Variants in B3GNT4 observed in about 807,000 individuals in gnomAD.
B3GNT4 encodes UDP-GlcNAc:betaGal beta-1,3-N-acetylglucosaminyltransferase 4.
B3GNT4 carries 2 observed loss-of-function variants against 2.7 expected under a neutral mutation model. That is an observed-to-expected ratio of 0.73 (90% confidence interval 0.30 to 2.31). The LOEUF (loss-of-function observed/expected upper bound fraction) is 2.31, where lower values mean the gene tolerates loss of function less well. Ranked by LOEUF, B3GNT4 falls within the 30% of genes most tolerant of loss-of-function variation. The probability of loss-of-function intolerance (pLI) is 0.12; values close to 1 mark genes in which losing one functional copy is unlikely to be tolerated. For missense variants in B3GNT4, 708 were observed against 490.9 expected, an observed-to-expected ratio of 1.44 and a Z score of -4.18; for synonymous variants, 280 against 203.4, an observed-to-expected ratio of 1.38 and a Z score of -3.20.
At chr12:122,206,069 G>GT (rs1192842004) in intron 2 of B3GNT4, 2 of 448,764 alleles carry the variant, frequency 4.5e-6, no homozygotes, top group African/African-American at 2.0e-5. Flanking sequence ...GTGGCTGCAA[G>GT]TCCTTTTGGG....
At position 122,207,177 on chromosome 12, in the gene B3GNT4, G is replaced by C; in HGVS notation, c.926G>C (p.Gly309Ala). The change falls in exon 3 of 3, where the codon GGT becomes GCT. Residue 309 changes from glycine (G) to alanine (A), a missense_variant. Physicochemically the swap from Gly to Ala is moderately conservative, Grantham distance 60. Transcript: ENST00000324189. ...TTCCCCATTGATGATGTCTTTGTGG[G>C]TATGTGCCTGAGGCGGCTGGGGCTG... is the stretch of plus-strand genomic sequence containing the variant. ...ELFPIDDVFV[G>A]MCLRRLGLSP... 6.2e-7 allele frequency: 1 copy of C among 1,614,050 alleles called. No individual in the cohort carries two copies. Among genetic ancestry groups the C allele is most frequent in the Non-Finnish European group, 8.5e-7 (1 of 1,180,012 alleles).
chr12:122,206,539 CT>C lies in B3GNT4; in HGVS notation c.290del (p.Leu97Ter). On this transcript the variant is annotated frameshift_variant, in exon 3 of 3. Transcript: ENST00000324189. LOFTEE classifies it low-confidence loss of function (END_TRUNC). ...CCCTGCCTAGCCGTCACCGTCTCTTCTTGACCTATCGTCACTGCCGAAATTT... is the reference window on the plus strand; with the variant it reads ...CCCTGCCTAGCCGTCACCGTCTCTTCTGACCTATCGTCACTGCCGAAATTT... ...LSLPSRHRLF[L>X]TYRHCRNFSI... 11 of 1,614,244 alleles carry C rather than the reference CT, an allele frequency of 6.8e-6. No individual in the cohort carries two copies. Among genetic ancestry groups the C allele is most frequent in the Non-Finnish European group, 9.3e-6 (11 of 1,180,046 alleles).
chr12:122,204,592 C>CACGGAG lies in B3GNT4; in HGVS notation c.-24_-19dup, dbSNP rs764535548. The CACGGAG allele has an allele frequency of 2.7e-5, 43 of 1,591,436 alleles. No individual in the cohort carries two copies. In the East Asian group the frequency reaches 9.6e-4, roughly 36 times the overall value. ...CGCCGCCGCCGCCCGGCATCCTGAG[C>CACGGAG]ACGGAGACAGTCTCCAGCTGCCGTT... is the stretch of plus-strand genomic sequence containing the variant. On this transcript the variant is annotated 5_prime_UTR_variant, in exon 2 of 3. Coordinates refer to ENST00000324189, the MANE Select transcript of B3GNT4 (RefSeq NM_030765.4).
chr12:122,208,518 C>CAAG lies in B3GNT4; in HGVS notation c.*1130_*1131insAAG. On this transcript the variant is annotated 3_prime_UTR_variant, in exon 3 of 3. Transcript: ENST00000324189. The stretch of plus-strand genomic sequence containing the variant: ...TTCCGGGAGAGCTGGTGCACCTCTT[C>CAAG]CACCTGCAGTTTCACCAGCTGAATG... The CAAG allele has an allele frequency of 6.2e-7, 1 of 1,614,126 alleles. No homozygotes were observed. The highest frequency in any genetic ancestry group is 8.5e-7 in the Non-Finnish European group (1 of 1,180,044).
Position 122,207,527 on chromosome 12 carries a change from A to G in B3GNT4, c.*139A>G. On this transcript the variant is annotated 3_prime_UTR_variant, in exon 3 of 3. Transcript: ENST00000324189. ...CACCCTGTTAGCTCTGATTAAAAAC[A>G]CTGCAACCCAGCTAACTTGTCCAGC... 1 of 800,484 alleles carries G rather than the reference A, an allele frequency of 1.2e-6. No homozygotes were observed. Among genetic ancestry groups the G allele is most frequent in the South Asian group, 1.9e-5 (1 of 53,890 alleles). The allele number at this position is 800,484 out of a possible 1,614,324, so 49.6% of individuals were successfully genotyped here.
At position 122,206,711 on chromosome 12, in the gene B3GNT4, A is replaced by C; in HGVS notation, c.460A>C (p.Lys154Gln). ...GGGATGGGCTAGGGGCCGGCAGCTG[A>C]AGCTGGTGTTCCTCCTAGGGGTGGC... is the stretch of plus-strand genomic sequence containing the variant. Reference protein sequence around the residue: ...VGGWARGRQLKLVFLLGVAGS... With the variant: ...VGGWARGRQLQLVFLLGVAGS... Residue 154 changes from lysine (K) to glutamine (Q), a missense_variant, in exon 3 of 3, where the codon AAG (lysine) becomes CAG (glutamine). Transcript: ENST00000324189. 1.2e-6 allele frequency: 2 copies of C among 1,609,980 alleles called. No individual in the cohort carries two copies. The highest frequency in any genetic ancestry group is 1.3e-5 in the African/African-American group (1 of 74,968).
chr12:122,205,075 T>G, intron 2 of B3GNT4: 1 of 191,776 alleles, frequency 5.2e-6, no homozygotes, highest in African/African-American at 2.4e-5. Context: ...GGCTGGCCTC[T>G]TCCTACTGTA....
rs138305029 is a variant in B3GNT4, at chr12:122,206,455, C to T, written c.204C>T (p.Pro68=). 3.8e-5 allele frequency: 62 copies of T among 1,614,106 alleles called. No homozygotes were observed. The African/African-American group carries it at 7.1e-4, about 18-fold the overall frequency. ...DPTAHQPFWA[P]PTPRHSRCPP... Reference sequence around the variant, plus strand: ...CGGCCCACCAGCCTTTCTGGGCTCCCCCAACACCCCGTCACAGCCGGTGTC... The same window carrying T: ...CGGCCCACCAGCCTTTCTGGGCTCCTCCAACACCCCGTCACAGCCGGTGTC... The change falls in exon 3 of 3, where the codon CCC becomes CCT. Residue 68 remains proline (P), a synonymous_variant. Coordinates refer to ENST00000324189, the MANE Select transcript of B3GNT4 (RefSeq NM_030765.4).
rs769214227 is a variant in B3GNT4, at chr12:122,208,762, C to G, written c.*1374C>G. 1 of 706,564 alleles carries G rather than the reference C, an allele frequency of 1.4e-6. No homozygotes were observed. Among genetic ancestry groups the G allele is most frequent in the Admixed American group, 2.0e-5 (1 of 49,598 alleles). 43.8% of individuals were successfully genotyped at this position (706,564 alleles called of 1,614,324 possible). On this transcript the variant is annotated 3_prime_UTR_variant, in exon 3 of 3. Transcript: ENST00000324189. ...TATGTTCAGGTCTGGATTTAACTGA[C>G]ACTCTGTCAAAAACAGCATTTTTCT...
chr12:122,206,409 C>A lies in B3GNT4; in HGVS notation c.158C>A (p.Ala53Asp). The A allele has an allele frequency of 6.2e-7, 1 of 1,613,500 alleles. No individual in the cohort carries two copies. Among genetic ancestry groups the A allele is most frequent in the South Asian group, 1.1e-5 (1 of 91,014 alleles). ...TGCCTGCTCTTCCTGAGGAAGGCGG[C>A]CAAGCCCGCAGGAGACCCCACGGCC... ...LGCLLFLRKA[A>D]KPAGDPTAHQ... is the part of the protein sequence containing the mutation. The change falls in exon 3 of 3, where the codon GCC becomes GAC. Residue 53 changes from alanine (A) to aspartate (D), a missense_variant. Ala to Asp is a moderately radical substitution (Grantham distance 126). Coordinates refer to ENST00000324189, the MANE Select transcript of B3GNT4 (RefSeq NM_030765.4).
In B3GNT4 at chr12:122,207,546, G is replaced by C. The variant is rs1953951214; in HGVS notation, c.*158G>C. The stretch of plus-strand genomic sequence containing the variant: ...AAAAACACTGCAACCCAGCTAACTT[G>C]TCCAGCATATGTTGAATGGGAGCCA... On this transcript the variant is annotated 3_prime_UTR_variant, in exon 3 of 3. Coordinates refer to ENST00000324189, the MANE Select transcript of B3GNT4 (RefSeq NM_030765.4). 4.1e-6 allele frequency: 3 copies of C among 740,678 alleles called. No individual in the cohort carries two copies. Among genetic ancestry groups the C allele is most frequent in the South Asian group, 3.8e-5 (2 of 52,948 alleles). 45.9% of individuals were successfully genotyped at this position (740,678 alleles called of 1,614,324 possible).
At chr12:122,204,865 C>T (rs910578572) in intron 2 of B3GNT4, 181 bp downstream of exon 2, 5 of 590,148 alleles carry the variant, frequency 8.5e-6, no homozygotes, top group South Asian at 6.1e-5. Context: ...CAAAAGATAC[C>T]ACATCTCTAC....
chr12:122,207,760 A>ACCT lies in B3GNT4; in HGVS notation c.*373_*374insCTC. 2.1e-6 allele frequency: 1 copy of ACCT among 479,934 alleles called. No individual in the cohort carries two copies. Among genetic ancestry groups the ACCT allele is most frequent in the Non-Finnish European group, 4.1e-6 (1 of 244,606 alleles). 29.7% of individuals were successfully genotyped at this position (479,934 alleles called of 1,614,324 possible). On this transcript the variant is annotated 3_prime_UTR_variant, in exon 3 of 3. Coordinates refer to ENST00000324189, the MANE Select transcript of B3GNT4 (RefSeq NM_030765.4). The stretch of plus-strand genomic sequence containing the variant: ...TAGAGAAACGGAAAGAAAGGAAGGA[A>ACCT]CAAGAGGCCTGTGTTAAGTCCTGTT...
Position 122,207,384 on chromosome 12 carries a change from G to A in B3GNT4, c.1133G>A (p.Arg378His), listed in dbSNP as rs1441659240. 3.9e-6 allele frequency: 6 copies of A among 1,544,344 alleles called. No homozygotes were observed. Among genetic ancestry groups the A allele is most frequent in the African/African-American group, 1.4e-5 (1 of 72,756 alleles). ...LKCAAGPIPQ[R>H] is the part of the protein sequence containing the mutation. ...TGTGCAGCTGGCCCCATACCCCAGCGCTGAAGGGTGGGTTGGGCAACAGCC... is the reference window on the plus strand; with the variant it reads ...TGTGCAGCTGGCCCCATACCCCAGCACTGAAGGGTGGGTTGGGCAACAGCC... The change falls in exon 3 of 3, where the codon CGC (arginine) becomes CAC (histidine). Residue 378 changes from arginine (R) to histidine (H), a missense_variant. Transcript: ENST00000324189.
Position 122,205,033 on chromosome 12 carries a change from A to C in B3GNT4, c.66+349A>C, listed in dbSNP as rs545988895. 35 of 242,314 alleles carry C rather than the reference A, an allele frequency of 1.4e-4. 1 individual carries two copies. Among genetic ancestry groups the C allele is most frequent in the South Asian group, 1.1e-3 (15 of 13,950 alleles). 15.0% of individuals were successfully genotyped at this position (242,314 alleles called of 1,614,324 possible). On this transcript the variant is annotated intron_variant, in intron 2 of 2. Transcript: ENST00000324189. ...TGACAGAGACACTGTCTCAAAAAAA[A>C]CCAACAAAACCCTTAGCTCTTTCAC...
chr12:122,208,679 T>C lies in B3GNT4; in HGVS notation c.*1291T>C, dbSNP rs1420421020. 8.5e-7 allele frequency: 1 copy of C among 1,181,940 alleles called. No homozygotes were observed. Among genetic ancestry groups the C allele is most frequent in the African/African-American group, 1.5e-5 (1 of 66,262 alleles). The allele number at this position is 1,181,940 out of a possible 1,614,324, so 73.2% of individuals were successfully genotyped here. A position where few individuals can be genotyped will look rare whatever the true frequency, so the allele number is the denominator to read the frequency against. On this transcript the variant is annotated 3_prime_UTR_variant, in exon 3 of 3. Transcript: ENST00000324189. ...GCTGTGGCTGTCATCTGAACCCCTC[T>C]TGGGGTCACTTTCCTTGACCTCCCT...
At position 122,207,495 on chromosome 12, in the gene B3GNT4, C is replaced by T. The variant is rs549590982; in HGVS notation, c.*107C>T. 6.9e-6 allele frequency: 7 copies of T among 1,018,766 alleles called. No homozygotes were observed. Among genetic ancestry groups the T allele is most frequent in the South Asian group, 1.7e-5 (1 of 58,244 alleles). 63.1% of individuals were successfully genotyped at this position (1,018,766 alleles called of 1,614,324 possible). On this transcript the variant is annotated 3_prime_UTR_variant, in exon 3 of 3. Transcript: ENST00000324189. Reference sequence around the variant, plus strand: ...AGAAAATGCCAACTTGGTTTTTTAACTCCTCTCACCCTGTTAGCTCTGATT... The same window carrying T: ...AGAAAATGCCAACTTGGTTTTTTAATTCCTCTCACCCTGTTAGCTCTGATT...
At position 122,208,440 on chromosome 12, in the gene B3GNT4, G is replaced by C. The variant is rs1304680651; in HGVS notation, c.*1052G>C. The C allele has an allele frequency of 1.2e-6, 2 of 1,613,990 alleles. No individual in the cohort carries two copies. Among genetic ancestry groups the C allele is most frequent in the Non-Finnish European group, 8.5e-7 (1 of 1,180,022 alleles). On this transcript the variant is annotated 3_prime_UTR_variant, in exon 3 of 3. Coordinates refer to ENST00000324189, the MANE Select transcript of B3GNT4 (RefSeq NM_030765.4). ...TCAGCCCGCTCCTCCCCTTCCTCCTGTGTTTTCTGACGGAGCTCTTCTATC... is the reference window on the plus strand; with the variant it reads ...TCAGCCCGCTCCTCCCCTTCCTCCTCTGTTTTCTGACGGAGCTCTTCTATC...
At chr12:122,204,813 G>A (rs1462589368) in intron 2 of B3GNT4, 129 bp downstream of exon 2, 16 of 764,250 alleles carry the variant, frequency 2.1e-5, no homozygotes, top group Middle Eastern at 3.8e-4. Context: ...GCCAAGGCGG[G>A]AGGATCGCTT....
Sources: gnomAD v4.1 joint callset for allele counts on GRCh38, gnomAD v4.1.1 for gene constraint, MANE v1.5 for transcripts, NCBI Gene and HGNC (gene_info 2026-07-23, HGNC 2026-07-21) for gene names.